Variants in CHRNB4 observed in about 807,000 individuals in gnomAD.
CHRNB4 encodes the protein neuronal acetylcholine receptor subunit beta-4.
Under a neutral mutation model 40.4 loss-of-function variants are expected in CHRNB4, and 23 were observed. The ratio of observed to expected loss-of-function variants is 0.57; its 90% CI spans 0.41 to 0.81. The LOEUF is 0.81. CHRNB4 is among the 30% of genes least tolerant of loss of function. The probability of loss-of-function intolerance (pLI) is 0.00; values close to 1 mark genes in which losing one functional copy is unlikely to be tolerated. For synonymous variants in CHRNB4, 285 were observed against 274.4 expected (o/e 1.04, Z -0.38); for missense variants, 568 against 670.6 (o/e 0.85, Z 1.69).
At chr15:78,661,266 G>A (rs532833446), upstream of CHRNB4, 63 of 603,430 alleles carry the variant, frequency 1.0e-4, no homozygotes, top group African/African-American at 8.5e-4. Flanking sequence ...CCCCTGCCCC[G>A]CCCTGAGGAT....
rs1302821311 is a variant in CHRNB4 at position 78,629,003 on chromosome 15, G to A, written c.1302C>T (p.Ile434=). 3.1e-6 allele frequency: 5 copies of A among 1,613,986 alleles called. No homozygotes were observed. The highest frequency in any genetic ancestry group is 2.7e-5 in the African/African-American group (2 of 74,920). The change falls in exon 5 of 6, where the codon ATC becomes ATT. Residue 434 remains isoleucine, a synonymous_variant. Transcript: ENST00000261751. The surrounding 1 kb of genome is among the most constrained non-coding windows in gnomAD (Gnocchi z 6.8). The part of the protein sequence containing the change: ...VQEALEGVSF[I]AQHMKNDDED... ...CATCGTCATTCTTCATGTGCTGGGC[G>A]ATGAAGCTGACACCTTCTAATGCCT...
At chr15:78,645,274 T>C (rs1567136537), upstream of CHRNB4, among the ~76,000 whole-genome samples, 1 of 152,172 alleles carries the variant, frequency 6.6e-6, no homozygotes. Context: ...TTGACTTGCC[T>C]TTCTCTTGGA....
At chr15:78,647,564 C>CT (rs2054132961) in intron 7 of CHRNB4, among the ~76,000 whole-genome samples, 1 of 151,494 alleles carries the variant, frequency 6.6e-6, no homozygotes, top group Admixed American at 6.6e-5. Flanking sequence ...GAAAGAGATT[C>CT]AGCCGGGTGC....
chr15:78,647,571 G>A (rs1371381051), intron 7 of CHRNB4, among the ~76,000 whole-genome samples: 4 of 151,528 alleles, frequency 2.6e-5, no homozygotes, highest in African/African-American at 7.3e-5. Flanking sequence ...ATTCAGCCGG[G>A]TGCAGTGGCT....
At chr15:78,643,993 C>CAAA (rs34477808), upstream of CHRNB4, among the ~76,000 whole-genome samples, 11 of 115,956 alleles carry the variant, frequency 9.5e-5, no homozygotes, top group East Asian at 2.6e-3. Context: ...ACTAAAAATA[C>CAAA]AAAAAAAAAA....
intron 1 of CHRNB4, among the ~76,000 whole-genome samples, chr15:78,659,483 G>A (rs1251105590): frequency 2.6e-5 from 4 of 152,022 alleles, no homozygotes; most frequent in African/African-American, 9.7e-5. Flanking sequence ...TGGTGGTGAA[G>A]GCTCTAGAGA....
At chr15:78,633,629 C>T (rs1297645624) in intron 2 of CHRNB4, among the ~76,000 whole-genome samples, 1 of 152,198 alleles carries the variant, frequency 6.6e-6, no homozygotes, top group African/African-American at 2.4e-5. Context: ...AGCATCAGAT[C>T]TGCCCCCCTG....
chr15:78,635,921 TG>T (rs994473573), intron 1 of CHRNB4, among the ~76,000 whole-genome samples: 8 of 151,898 alleles, frequency 5.3e-5, no homozygotes, highest in South Asian at 2.1e-4. Context: ...TGTCTTTTTT[TG>T]TATGAGACAG....
In CHRNB4 at chr15:78,659,233, A is replaced by G. The variant is rs189040671; in HGVS notation, c.-850-864T>C. Among the ~76,000 whole-genome samples, 715 of 152,296 alleles carry G rather than the reference A, an allele frequency of 4.7e-3. 6 individuals carry two copies. Among genetic ancestry groups the G allele is most frequent in the African/African-American group, 0.016 (671 of 41,550 alleles). ...CATTTCAGCCCAGGAGTTTGAGACCAGCCTGGGCAACATGGTTAAACCCCA... is the reference window on the plus strand; with the variant it reads ...CATTTCAGCCCAGGAGTTTGAGACCGGCCTGGGCAACATGGTTAAACCCCA... On this transcript the variant is annotated intron_variant and NMD_transcript_variant, in intron 1 of 11. Transcript: ENST00000559849.
chr15:78,661,281 C>T (rs201053293), upstream of CHRNB4: 100 of 599,412 alleles, frequency 1.7e-4, no homozygotes, highest in East Asian at 4.1e-3. Flanking sequence ...GAGGATGCGG[C>T]GGCAGCCCGG....
At chr15:78,631,444 C>T (rs2053809534) in intron 2 of CHRNB4, 112 bp from the exon 3 acceptor site, 4 of 953,288 alleles carry the variant, frequency 4.2e-6, no homozygotes, top group African/African-American at 1.6e-5. Context: ...CCAACTGCCA[C>T]CCCAACATCT....
At chr15:78,632,549 G>T (rs545233758) in intron 2 of CHRNB4, among the ~76,000 whole-genome samples, 3 of 152,062 alleles carry the variant, frequency 2.0e-5, no homozygotes, top group Admixed American at 6.6e-5. Flanking sequence ...GAGCTAAAGT[G>T]ATCCATGCAT....
intron 5 of CHRNB4, 49 bp from the exon 6 acceptor site, chr15:78,625,340 C>A: frequency 6.7e-7 from 1 of 1,492,396 alleles, no homozygotes; most frequent in South Asian, 1.4e-5. Flanking sequence ...ACTGGGGTCC[C>A]TCCTTTCCCC....
In CHRNB4 at chr15:78,635,508, G is replaced by T. The variant is rs559807617; in HGVS notation, c.135C>A (p.Arg45=). 1 of 1,614,076 alleles carries T rather than the reference G, an allele frequency of 6.2e-7. No individual in the cohort carries two copies. Among genetic ancestry groups the T allele is most frequent in the Non-Finnish European group, 8.5e-7 (1 of 1,180,050 alleles). The change falls in exon 2 of 6, where the codon CGC becomes CGA. Residue 45 remains arginine (R), a synonymous_variant. Transcript: ENST00000261751. The part of the protein sequence containing the change: ...LNKTRYNNLI[R]PATSSSQLIS... ...TGAGCTGTGAGGAGCTGGTGGCTGG[G>T]CGGATCAGGTTATTGTAACGGGTTT...
chr15:78,635,665 T>A lies in CHRNB4; in HGVS notation c.56-78A>T. ...TGCAGCCTGTGGCAGCAGGGAGAGC[T>A]GAGAGGGAGCACAGGTGCCCTTAGG... On this transcript the variant is annotated intron_variant, in intron 1 of 5. Transcript: ENST00000261751. 1.9e-6 allele frequency: 3 copies of A among 1,585,862 alleles called. 1 individual carries two copies. The South Asian group carries it at 3.5e-5, about 19-fold the overall frequency.
In CHRNB4 at chr15:78,629,948, G is replaced by A. The variant is rs778484626; in HGVS notation, c.360-3C>T. 1.7e-5 allele frequency: 27 copies of A among 1,565,444 alleles called. No homozygotes were observed. The highest frequency in any genetic ancestry group is 1.6e-4 in the East Asian group (7 of 44,474). On this transcript the variant is annotated splice_region_variant and splice_polypyrimidine_tract_variant and intron_variant, in intron 4 of 5. Transcript: ENST00000261751. This position sits in a 1 kb window ranked among gnomAD's most constrained non-coding sequence, Gnocchi z 6.8. ...ACACCTCATAGGTCCCGTCGGCGCT[G>A]GGCAGGGTCAGGGCATGGAGAACAT... is the stretch of plus-strand genomic sequence containing the variant.
chr15:78,643,167 C>T (rs1285236074), upstream of CHRNB4, among the ~76,000 whole-genome samples: 3 of 152,186 alleles, frequency 2.0e-5, no homozygotes, highest in Non-Finnish European at 4.4e-5. Flanking sequence ...GCAATGTACA[C>T]ACACACAAAC....
At position 78,625,094 on chromosome 15, in the gene CHRNB4, G is replaced by C. The variant is rs747387254; in HGVS notation, c.*39C>G. On this transcript the variant is annotated 3_prime_UTR_variant, in exon 6 of 6. Coordinates refer to ENST00000261751, the MANE Select transcript of CHRNB4 (RefSeq NM_000750.5). ...GAAAGAAGCAGCAAAGTGCCCACCCGGCCACTCACATCCTCTCACCCCACA... is the reference window on the plus strand; with the variant it reads ...GAAAGAAGCAGCAAAGTGCCCACCCCGCCACTCACATCCTCTCACCCCACA... 1.9e-6 allele frequency: 3 copies of C among 1,613,452 alleles called. No individual in the cohort carries two copies. Among genetic ancestry groups the C allele is most frequent in the Non-Finnish European group, 2.5e-6 (3 of 1,179,972 alleles).
intron 7 of CHRNB4, among the ~76,000 whole-genome samples, chr15:78,646,759 T>C (rs2054126447): frequency 6.6e-6 from 1 of 152,176 alleles, no homozygotes; most frequent in Admixed American, 6.5e-5. Flanking sequence ...TTAACACCAT[T>C]ATATTGGAGG....
Sources: gnomAD v4.1 joint callset for allele counts (sites outside exome capture counted in the v4.1 genomes callset) on GRCh38, gnomAD v4.1.1 for gene constraint, Gnocchi (gnomAD v3.1) non-coding constraint, MANE v1.5 for transcripts, NCBI Gene and HGNC (gene_info 2026-07-23, HGNC 2026-07-21) for gene names.